Variants in NFX1 observed in about 807,000 individuals in gnomAD.
NFX1 encodes transcriptional repressor NF-X1.
In NFX1, 69 loss-of-function variants were observed where a neutral mutation model predicts 137.2. That is an observed-to-expected ratio of 0.50 (90% CI 0.41 to 0.61). The LOEUF is 0.61. Among genes scored for constraint, NFX1 ranks in the 20% least tolerant of loss-of-function variants. The pLI, the probability that NFX1 is intolerant of heterozygous loss-of-function variation, is 0.00. For synonymous variants in NFX1, 495 were observed against 474.1 expected (o/e 1.04, Z -0.57); for missense variants, 1,167 against 1,391.0 (o/e 0.84, Z 2.56).
At chr9:33,336,565 C>T (rs1379995467) in intron 11 of NFX1, among the ~76,000 whole-genome samples, 2 of 152,096 alleles carry the variant, frequency 1.3e-5, no homozygotes, top group Non-Finnish European at 2.9e-5. Flanking sequence ...TATATCACTA[C>T]CACATGATGT....
intron 17 of NFX1, among the ~76,000 whole-genome samples, chr9:33,353,160 C>G (rs906095367): frequency 6.6e-6 from 1 of 152,160 alleles, no homozygotes; most frequent in African/African-American, 2.4e-5. Flanking sequence ...GAAATTTCTC[C>G]GCTTCCTCCT....
chr9:33,324,951 A>C (rs1039481937), intron 9 of NFX1, among the ~76,000 whole-genome samples: 6 of 151,742 alleles, frequency 4.0e-5, no homozygotes, highest in Admixed American at 1.3e-4. Flanking sequence ...AAAGAAAGAG[A>C]TTATATAACC....
chr9:33,333,362 C>G (rs1457103115), intron 11 of NFX1, among the ~76,000 whole-genome samples: 4 of 152,274 alleles, frequency 2.6e-5, no homozygotes, highest in East Asian at 3.9e-4. Context: ...GATAGGATAT[C>G]TGGAGGCAGA....
intron 11 of NFX1, among the ~76,000 whole-genome samples, chr9:33,336,700 C>T (rs1211944605): frequency 1.3e-5 from 2 of 152,134 alleles, no homozygotes; most frequent in Non-Finnish European, 1.5e-5. Context: ...TCCTGGGCTC[C>T]AGTGGTCCTC....
In NFX1 at chr9:33,294,550, TCCCTGTCA is replaced by T; in HGVS notation, c.159_166del (p.Cys54PhefsTer7). Reference sequence around the variant, plus strand: ...GTAGAAGAAATTACAGTTCACCACCTCCCTGTCACCTTTCCAGGCAGGTCCCTTATGAT... The same window carrying T: ...GTAGAAGAAATTACAGTTCACCACCTCCTTTCCAGGCAGGTCCCTTATGAT... On this transcript the variant is annotated frameshift_variant, in exon 2 of 24. Transcript: ENST00000379540. LOFTEE classifies it high-confidence loss of function. The T allele has an allele frequency of 6.2e-7, 1 of 1,614,196 alleles. No homozygotes were observed. The highest frequency in any genetic ancestry group is 8.5e-7 in the Non-Finnish European group (1 of 1,180,028).
At chr9:33,354,958 G>A in intron 19 of NFX1, 66 bp downstream of exon 19, 6 of 1,505,058 alleles carry the variant, frequency 4.0e-6, no homozygotes, top group South Asian at 1.1e-5. Context: ...ATGGGAGGGA[G>A]CAACCCTTCA....
chr9:33,310,443 T>C (rs1259455382), intron 5 of NFX1, among the ~76,000 whole-genome samples: 1 of 152,212 alleles, frequency 6.6e-6, no homozygotes, highest in Non-Finnish European at 1.5e-5. Flanking sequence ...AAATTCCGTA[T>C]TGTAACTTTT....
chr9:33,356,141 T>C (rs1321438645), intron 19 of NFX1, among the ~76,000 whole-genome samples: 1 of 152,226 alleles, frequency 6.6e-6, no homozygotes, highest in Non-Finnish European at 1.5e-5. Context: ...TGTCAGCACT[T>C]GAAATTGTCA....
chr9:33,293,292 C>T (rs958455394), intron 1 of NFX1, among the ~76,000 whole-genome samples: 2 of 152,184 alleles, frequency 1.3e-5, no homozygotes, highest in Admixed American at 6.5e-5. Context: ...GTGCCTGGCA[C>T]ATAATACCTA....
At chr9:33,343,605 CGGT>C (rs1348253290) in intron 13 of NFX1, among the ~76,000 whole-genome samples, 1 of 152,076 alleles carries the variant, frequency 6.6e-6, no homozygotes, top group Non-Finnish European at 1.5e-5. Context: ...GGACTTGACT[CGGT>C]GTTTTTATTC....
intron 21 of NFX1, 148 bp from the exon 22 acceptor site, chr9:33,366,481 T>A (rs1824172891): frequency 1.2e-5 from 11 of 880,692 alleles, no homozygotes; most frequent in Non-Finnish European, 1.9e-5. Flanking sequence ...CCCTCCAGGC[T>A]TGCTTGGCAG....
intron 12 of NFX1, among the ~76,000 whole-genome samples, chr9:33,340,423 C>T (rs1453581060): frequency 6.6e-6 from 1 of 152,154 alleles, no homozygotes; most frequent in Non-Finnish European, 1.5e-5. Context: ...AGCAGGGGGA[C>T]CCTGGGGCCA....
In NFX1 at chr9:33,345,965, A is replaced by G. The variant is rs141337735; in HGVS notation, c.2345-1073A>G. ...AAATACCAGAGGCAAACCTGAAGTA[A>G]TTCAGGGGACCAGATTTGATACCCA... is the stretch of plus-strand genomic sequence containing the variant. On this transcript the variant is annotated intron_variant, in intron 14 of 23. Coordinates refer to ENST00000379540, the MANE Select transcript of NFX1 (RefSeq NM_002504.6). Among the ~76,000 whole-genome samples the G allele has an allele frequency of 4.3e-4, 65 of 152,354 alleles. No individual in the cohort carries two copies. In the East Asian group the frequency reaches 4.8e-3, roughly 11 times the overall value.
chr9:33,327,435 G>A (rs1183769989), intron 9 of NFX1, among the ~76,000 whole-genome samples: 1 of 152,202 alleles, frequency 6.6e-6, no homozygotes, highest in Non-Finnish European at 1.5e-5. Flanking sequence ...CATGATCTTG[G>A]CTCACTGCAA....
chr9:33,300,330 T>C (rs1344477348), intron 2 of NFX1, among the ~76,000 whole-genome samples: 3 of 152,168 alleles, frequency 2.0e-5, no homozygotes, highest in Non-Finnish European at 4.4e-5. Context: ...CCCAAAGTGC[T>C]GGTATTACAG....
intron 19 of NFX1, among the ~76,000 whole-genome samples, chr9:33,360,045 T>C (rs1823939565): frequency 6.6e-6 from 1 of 152,198 alleles, no homozygotes; most frequent in Non-Finnish European, 1.5e-5. Flanking sequence ...AACTTTCTAG[T>C]GAGTGCCGTT....
chr9:33,370,098 G>T lies in NFX1; in HGVS notation c.*120G>T. ...GAATCACAGTCTCACATACTGTCTTGTACTGACACATCCAAAGCATGAGTG... is the reference window on the plus strand; with the variant it reads ...GAATCACAGTCTCACATACTGTCTTTTACTGACACATCCAAAGCATGAGTG... On this transcript the variant is annotated 3_prime_UTR_variant, in exon 24 of 24. Coordinates refer to ENST00000379540, the MANE Select transcript of NFX1 (RefSeq NM_002504.6). The T allele has an allele frequency of 1.4e-6, 1 of 701,526 alleles. No homozygotes were observed. Among genetic ancestry groups the T allele is most frequent in the Non-Finnish European group, 2.4e-6 (1 of 408,734 alleles). The allele number at this position is 701,526 out of a possible 1,614,324, so 43.5% of individuals were successfully genotyped here. A position where few individuals can be genotyped will look rare whatever the true frequency, so the allele number is the denominator to read the frequency against.
At chr9:33,319,605 G>C (rs1822307686) in intron 9 of NFX1, among the ~76,000 whole-genome samples, 1 of 152,156 alleles carries the variant, frequency 6.6e-6, no homozygotes, top group Non-Finnish European at 1.5e-5. Flanking sequence ...TGACTCCTGG[G>C]CTCAAATGAT....
chr9:33,349,423 T>C (rs1295002303), intron 15 of NFX1, among the ~76,000 whole-genome samples: 1 of 152,208 alleles, frequency 6.6e-6, no homozygotes, highest in Non-Finnish European at 1.5e-5. Flanking sequence ...TTATCCCCTT[T>C]GCCCTGGTAG....
Sources: allele counts gnomAD v4.1 joint callset (sites outside exome capture counted in the v4.1 genomes callset), GRCh38; gene constraint gnomAD v4.1.1; transcripts MANE v1.5; gene names NCBI Gene and HGNC (gene_info 2026-07-23, HGNC 2026-07-21).